Variants in BRCC3 observed in about 807,000 individuals in gnomAD.
The protein encoded by BRCC3 is lys-63-specific deubiquitinase BRCC36.
In BRCC3, 15 loss-of-function variants were observed where a neutral mutation model predicts 28.0. The ratio of observed to expected loss-of-function variants is 0.54; its 90% CI spans 0.36 to 0.82. BRCC3 has a LOEUF of 0.82. Among genes scored for constraint, BRCC3 ranks in the 40% least tolerant of loss-of-function variants. The pLI, the probability that BRCC3 is intolerant of heterozygous loss-of-function variation, is 0.01. For missense variants in BRCC3, 109 were observed against 225.9 expected (o/e 0.48, Z 3.32); for synonymous variants, 66 against 80.3 (o/e 0.82, Z 0.95).
At chrX:155,082,984 A>T (rs1447203509) in intron 5 of BRCC3, among the ~76,000 whole-genome samples, 1 of 112,001 alleles carries the variant, frequency 8.9e-6, no homozygotes, top group Non-Finnish European at 1.9e-5. Context: ...CTATTTGCTT[A>T]TGACTAGATT....
chrX:155,076,144 G>C (rs988721429), intron 3 of BRCC3, among the ~76,000 whole-genome samples: 8 of 111,932 alleles, frequency 7.1e-5, no homozygotes, highest in African/African-American at 2.0e-4. Context: ...GGTGCGGTGG[G>C]TTATGCCTGT....
At chrX:155,087,297 G>C (rs2074138876) in intron 5 of BRCC3, among the ~76,000 whole-genome samples, 1 of 112,047 alleles carries the variant, frequency 8.9e-6, no homozygotes, top group Non-Finnish European at 1.9e-5. Flanking sequence ...GGGGGTACGA[G>C]GGACTCCCCC....
chrX:155,077,439 C>A, intron 4 of BRCC3, 150 bp downstream of exon 4: 1 of 498,280 alleles, frequency 2.0e-6, no homozygotes. Context: ...CTCTATTTCT[C>A]CTTTTGAGTG....
At chrX:155,073,507 G>A (rs782183840) in intron 3 of BRCC3, 76 bp downstream of exon 3, 88 of 1,062,471 alleles carry the variant, frequency 8.3e-5, no homozygotes, top group Non-Finnish European at 3.8e-6. Context: ...ATCTCAGCCA[G>A]AGTATGCGGT....
At chrX:155,093,380 C>T (rs2074187016) in intron 7 of BRCC3, among the ~76,000 whole-genome samples, 1 of 109,828 alleles carries the variant, frequency 9.1e-6, no homozygotes, top group Admixed American at 9.6e-5. Context: ...CCTTCAATTA[C>T]TTCCGTTACT....
intron 8 of BRCC3, 52 bp downstream of exon 8, chrX:155,116,240 T>C: frequency 9.1e-7 from 1 of 1,099,520 alleles, no homozygotes; most frequent in Non-Finnish European, 1.2e-6. Context: ...TAGTCTCTCT[T>C]TTCTTCTTCT....
intron 5 of BRCC3, among the ~76,000 whole-genome samples, chrX:155,079,489 C>T (rs1323982236): frequency 9.0e-6 from 1 of 111,666 alleles, no homozygotes; most frequent in Non-Finnish European, 1.9e-5. Context: ...GGTACAGTCC[C>T]AGACTTTAAT....
At chrX:155,082,015 A>C (rs2074088925) in intron 5 of BRCC3, among the ~76,000 whole-genome samples, 1 of 111,914 alleles carries the variant, frequency 8.9e-6, no homozygotes, top group African/African-American at 3.3e-5. Flanking sequence ...CATCTATAAA[A>C]ATAAAAGCCT....
At chrX:155,097,601 A>G (rs1325517458) in intron 7 of BRCC3, among the ~76,000 whole-genome samples, 1 of 112,476 alleles carries the variant, frequency 8.9e-6, no homozygotes, top group African/African-American at 3.2e-5. Context: ...AGGTGTTTTA[A>G]AAAACCAGAA....
intron 7 of BRCC3, among the ~76,000 whole-genome samples, chrX:155,100,489 C>T (rs977891586): frequency 8.9e-6 from 1 of 112,353 alleles, no homozygotes; most frequent in African/African-American, 3.2e-5. Context: ...GTGACCTAAA[C>T]ATTTTTGAAG....
intron 7 of BRCC3, among the ~76,000 whole-genome samples, chrX:155,110,915 G>A (rs1207266013): frequency 9.0e-6 from 1 of 110,601 alleles, no homozygotes; most frequent in Non-Finnish European, 1.9e-5. Context: ...CCACAGAAGT[G>A]GGGATATAAA....
chrX:155,086,722 C>T (rs2074132798), intron 5 of BRCC3, among the ~76,000 whole-genome samples: 1 of 111,825 alleles, frequency 8.9e-6, no homozygotes, highest in Non-Finnish European at 1.9e-5. Context: ...GCAAAGCACC[C>T]CCATCCCTGT....
At chrX:155,120,711 G>A (rs943098792) in intron 10 of BRCC3, among the ~76,000 whole-genome samples, 3 of 111,152 alleles carry the variant, frequency 2.7e-5, no homozygotes, top group Non-Finnish European at 5.7e-5. Context: ...GCCCTTTTTA[G>A]CCCAACATGA....
At chrX:155,117,910 C>T (rs1206396445) in intron 9 of BRCC3, among the ~76,000 whole-genome samples, 3 of 111,776 alleles carry the variant, frequency 2.7e-5, no homozygotes, top group African/African-American at 9.7e-5. Flanking sequence ...ATGGAGTTAA[C>T]ATTCTTTTAT....
intron 7 of BRCC3, among the ~76,000 whole-genome samples, chrX:155,096,414 G>A (rs1165351947): frequency 8.9e-6 from 1 of 112,479 alleles, no homozygotes; most frequent in Admixed American, 9.4e-5. Context: ...TTTATGTTAT[G>A]TGAATTTCAC....
At position 155,122,267 on chromosome X, in the gene BRCC3, A is replaced by C. The variant is rs2074392703; in HGVS notation, c.*1063A>C. 5 of 112,198 alleles carry C rather than the reference A, an allele frequency of 4.5e-5. No individual in the cohort carries two copies. The Admixed American group carries it at 4.7e-4, about 11-fold the overall frequency. 9.2% of individuals were successfully genotyped at this position (112,198 alleles called of 1,213,427 possible). ...ATATGAAAAGCTGTTAAACTCCATAAGTCATCAGGGAATGCAAATTGAAAC... is the reference window on the plus strand; with the variant it reads ...ATATGAAAAGCTGTTAAACTCCATACGTCATCAGGGAATGCAAATTGAAAC... On this transcript the variant is annotated 3_prime_UTR_variant, in exon 11 of 11. Coordinates refer to ENST00000330045, the MANE Select transcript of BRCC3 (RefSeq NM_001018055.3).
At chrX:155,077,421 G>C (rs2074052978) in intron 4 of BRCC3, 132 bp downstream of exon 4, 1 of 596,666 alleles carries the variant, frequency 1.7e-6, no homozygotes, top group South Asian at 4.1e-5. Flanking sequence ...TTGGTTTTTA[G>C]AATTTCTCTC....
intron 7 of BRCC3, among the ~76,000 whole-genome samples, chrX:155,109,988 T>G (rs782195180): frequency 8.5e-4 from 95 of 111,737 alleles, no homozygotes; most frequent in African/African-American, 2.8e-3. Context: ...CCTTCTGCAT[T>G]TATTAAGATA....
At chrX:155,107,146 C>T (rs2074289774) in intron 7 of BRCC3, among the ~76,000 whole-genome samples, 1 of 109,773 alleles carries the variant, frequency 9.1e-6, no homozygotes, top group Admixed American at 9.7e-5. Flanking sequence ...TTATTTCCTT[C>T]CTTATGTTTC....
Sources: allele counts gnomAD v4.1 joint callset (sites outside exome capture counted in the v4.1 genomes callset), GRCh38; gene constraint gnomAD v4.1.1; transcripts MANE v1.5; gene names NCBI Gene and HGNC (gene_info 2026-07-23, HGNC 2026-07-21).